C1QTNF3: variants seen among roughly 807,000 people sequenced by gnomAD.
C1QTNF3 encodes the protein C1q and TNF related 3, also known as complement C1q tumor necrosis factor-related protein 3.
C1QTNF3 carries 26 observed loss-of-function variants against 32.6 expected under a neutral mutation model. That is an observed-to-expected ratio of 0.80 (90% CI 0.58 to 1.11). The LOEUF is 1.11. Among genes scored for constraint, C1QTNF3 ranks in the 50% least tolerant of loss-of-function variants. The pLI is 0.00. For synonymous variants in C1QTNF3, 155 were observed against 146.0 expected (o/e 1.06, Z -0.44); for missense variants, 362 against 398.2 (o/e 0.91, Z 0.77).
At chr5:34,027,245 T>C (rs1754485703) in intron 4 of C1QTNF3, among the ~76,000 whole-genome samples, 1 of 152,232 alleles carries the variant, frequency 6.6e-6, no homozygotes, top group Non-Finnish European at 1.5e-5. Context: ...GATAAGGCTA[T>C]CAGGAAATAA....
the C1QTNF3 span, among the ~76,000 whole-genome samples, chr5:34,207,849 G>A: frequency 4.0e-5 from 6 of 151,644 alleles, no homozygotes; most frequent in African/African-American, 9.7e-5. Flanking sequence ...GTGCAGTGGC[G>A]GGATCTCAGC....
the C1QTNF3 span, among the ~76,000 whole-genome samples, chr5:34,237,743 C>CTG: frequency 1.3e-5 from 2 of 152,148 alleles, no homozygotes; most frequent in Non-Finnish European, 2.9e-5. Flanking sequence ...AACCCAAACA[C>CTG]TACAGCTAGT....
At chr5:34,144,785 G>GT in the C1QTNF3 span, among the ~76,000 whole-genome samples, 1 of 152,292 alleles carries the variant, frequency 6.6e-6, no homozygotes, top group African/African-American at 2.4e-5. Context: ...TAAAGCAGTA[G>GT]TAAGAGAAAA....
chr5:34,170,795 T>C, the C1QTNF3 span, among the ~76,000 whole-genome samples: 2 of 152,136 alleles, frequency 1.3e-5, no homozygotes, highest in Admixed American at 6.5e-5. Context: ...GTGTCCACCT[T>C]ATTTTGTTAT....
rs918030632 is a variant in C1QTNF3, at chr5:34,019,563, C to T, written c.*1020G>A. On this transcript the variant is annotated 3_prime_UTR_variant, in exon 6 of 6. Coordinates refer to ENST00000382065, the MANE Select transcript of C1QTNF3 (RefSeq NM_181435.6). The stretch of plus-strand genomic sequence containing the variant: ...GCGAAGTTTTCTGAAGTCATATGAC[C>T]CTGCTGTGTGCCCAAGTCACCTATT... 7 of 152,110 alleles carry T rather than the reference C, an allele frequency of 4.6e-5. No individual in the cohort carries two copies. The highest frequency in any genetic ancestry group is 1.7e-4 in the African/African-American group (7 of 41,408). 9.4% of individuals were successfully genotyped at this position (152,110 alleles called of 1,614,324 possible). A position where few individuals can be genotyped will look rare whatever the true frequency, so the allele number is the denominator to read the frequency against.
the C1QTNF3 span, among the ~76,000 whole-genome samples, chr5:34,083,517 A>C: frequency 1.3e-5 from 2 of 151,692 alleles, no homozygotes; most frequent in Non-Finnish European, 2.9e-5. Context: ...TGTAAAAAAA[A>C]AAAAAAATCC....
the C1QTNF3 span, among the ~76,000 whole-genome samples, chr5:34,212,328 C>T: frequency 6.6e-6 from 1 of 152,090 alleles, no homozygotes; most frequent in Non-Finnish European, 1.5e-5. Context: ...CATTACCATT[C>T]AGGACACAGG....
the C1QTNF3 span, among the ~76,000 whole-genome samples, chr5:34,126,260 A>C: frequency 6.6e-6 from 1 of 151,922 alleles, no homozygotes; most frequent in African/African-American, 2.4e-5. Context: ...GGAAGTACAC[A>C]CAGCCAAAGT....
At chr5:34,146,045 A>G in the C1QTNF3 span, among the ~76,000 whole-genome samples, 1 of 152,216 alleles carries the variant, frequency 6.6e-6, no homozygotes, top group Non-Finnish European at 1.5e-5. Context: ...CTCACAGCCA[A>G]CATCACACCA....
chr5:34,172,903 A>G, the C1QTNF3 span, among the ~76,000 whole-genome samples: 1 of 152,220 alleles, frequency 6.6e-6, no homozygotes, highest in Admixed American at 6.5e-5. Context: ...CATCATAAAC[A>G]ATGCTGTGAA....
At chr5:34,058,528 C>T in the C1QTNF3 span, among the ~76,000 whole-genome samples, 1 of 152,152 alleles carries the variant, frequency 6.6e-6, no homozygotes. Flanking sequence ...TGTCATTCTC[C>T]TCAAAATGTA....
the C1QTNF3 span, among the ~76,000 whole-genome samples, chr5:34,171,701 G>A: frequency 2.2e-4 from 33 of 152,036 alleles, no homozygotes; most frequent in African/African-American, 7.7e-4. Flanking sequence ...AATGACATTG[G>A]TCAAAACAAG....
the C1QTNF3 span, among the ~76,000 whole-genome samples, chr5:34,241,597 C>A: frequency 6.6e-6 from 1 of 151,690 alleles, no homozygotes; most frequent in Non-Finnish European, 1.5e-5. Context: ...TGTGAACGAT[C>A]TCCACAAGGA....
the C1QTNF3 span, chr5:34,158,106 CTTTTTTTTTT>C: frequency 2.3e-5 from 3 of 131,798 alleles, no homozygotes; most frequent in Non-Finnish European, 4.9e-5. Context: ...GGCTGCTTTT[CTTTTTTTTTT>C]TTTTTTTTGA....
the C1QTNF3 span, among the ~76,000 whole-genome samples, chr5:34,057,939 G>A: frequency 6.6e-6 from 1 of 152,170 alleles, no homozygotes; most frequent in Non-Finnish European, 1.5e-5. Flanking sequence ...AAGGGACTTT[G>A]GTTGTTTTTC....
chr5:34,124,370 T>C, the C1QTNF3 span: 3 of 706,020 alleles, frequency 4.2e-6, no homozygotes, highest in African/African-American at 1.8e-5. Flanking sequence ...AGAAGAGATA[T>C]TTAATTGGCT....
chr5:34,029,177 G>T (rs906185969), intron 3 of C1QTNF3, among the ~76,000 whole-genome samples: 22 of 152,220 alleles, frequency 1.4e-4, no homozygotes, highest in African/African-American at 5.1e-4. Flanking sequence ...AATTTTATAT[G>T]AAATTTTCCA....
At chr5:34,111,670 TG>T in the C1QTNF3 span, among the ~76,000 whole-genome samples, 2 of 151,610 alleles carry the variant, frequency 1.3e-5, no homozygotes, top group Admixed American at 1.3e-4. Flanking sequence ...TTATTAAAAC[TG>T]AAGAGTGTTT....
chr5:34,146,689 A>G, the C1QTNF3 span, among the ~76,000 whole-genome samples: 2 of 152,230 alleles, frequency 1.3e-5, no homozygotes, highest in South Asian at 4.1e-4. Flanking sequence ...AGCTTTTAAA[A>G]TAAGTCCTCA....
Sources: allele counts gnomAD v4.1 joint callset (sites outside exome capture counted in the v4.1 genomes callset), GRCh38; gene constraint gnomAD v4.1.1; transcripts MANE v1.5; gene names NCBI Gene and HGNC (gene_info 2026-07-23, HGNC 2026-07-21).